The following LARGE1 variants were observed in gnomAD, a reference collection of about 807,000 sequenced individuals.
The protein encoded by LARGE1 is LARGE xylosyl- and glucuronyltransferase 1, also known as xylosyl- and glucuronyltransferase LARGE1.
LARGE1 carries 43 observed loss-of-function variants against 87.6 expected under a neutral mutation model. The ratio of observed to expected loss-of-function variants is 0.49; its 90% CI spans 0.38 to 0.63. LARGE1 has a LOEUF of 0.63. Among genes scored for constraint, LARGE1 ranks in the 30% least tolerant of loss-of-function variants. LARGE1 has a pLI of 0.00. For synonymous variants in LARGE1, 434 were observed against 394.6 expected (o/e 1.10, Z -1.18); for missense variants, 802 against 1,000.2 (o/e 0.80, Z 2.67).
the LARGE1 span, among the ~76,000 whole-genome samples, chr22:33,104,450 T>C: frequency 6.6e-6 from 1 of 152,198 alleles, no homozygotes; most frequent in South Asian, 2.1e-4. Flanking sequence ...GGAGGGGACC[T>C]TGTGGCCCAG....
intron 2 of LARGE1, among the ~76,000 whole-genome samples, chr22:33,651,597 T>C (rs1196122942): frequency 6.6e-6 from 1 of 152,128 alleles, no homozygotes; most frequent in South Asian, 2.1e-4. Context: ...GTATCTGCCA[T>C]ACTGTATTTG....
chr22:33,140,290 C>G, the LARGE1 span, among the ~76,000 whole-genome samples: 1 of 152,020 alleles, frequency 6.6e-6, no homozygotes, highest in African/African-American at 2.4e-5. Flanking sequence ...GCTCTACCCA[C>G]CCAGAGCAGT....
At chr22:33,593,400 AT>A (rs35456940) in intron 5 of LARGE1, among the ~76,000 whole-genome samples, 12,941 of 152,152 alleles carry the variant, frequency 0.085, 682 homozygotes, top group African/African-American at 0.14. Flanking sequence ...CTGTTGCCTT[AT>A]TAACATGAGA....
At chr22:33,699,777 A>T (rs1380890305) in intron 2 of LARGE1, among the ~76,000 whole-genome samples, 1 of 152,228 alleles carries the variant, frequency 6.6e-6, no homozygotes, top group Non-Finnish European at 1.5e-5. Context: ...GATTTAATTA[A>T]AAGATTTCTT....
intron 10 of LARGE1, among the ~76,000 whole-genome samples, chr22:33,319,317 G>A (rs557777444): frequency 2.2e-4 from 33 of 152,322 alleles, no homozygotes; most frequent in Non-Finnish European, 4.4e-4. Flanking sequence ...CTTGCTGGAA[G>A]ATGAGACATC....
intron 11 of LARGE1, among the ~76,000 whole-genome samples, chr22:33,167,505 C>T (rs569801200): frequency 1.3e-5 from 2 of 152,274 alleles, no homozygotes; most frequent in South Asian, 4.1e-4. Flanking sequence ...CCATAAGACC[C>T]TATTAGTTGC....
intron 1 of LARGE1, among the ~76,000 whole-genome samples, chr22:33,911,054 G>A (rs2065621930): frequency 6.6e-6 from 1 of 152,230 alleles, no homozygotes; most frequent in African/African-American, 2.4e-5. Flanking sequence ...CCCCCTCCCA[G>A]GGTTGCTGTG....
rs1341369553 is a variant in LARGE1 at position 33,274,271 on chromosome 22, A to G, written c.*156T>C. 1 of 751,336 alleles carries G rather than the reference A, an allele frequency of 1.3e-6. No homozygotes were observed. Among genetic ancestry groups the G allele is most frequent in the Admixed American group, 2.0e-5 (1 of 49,050 alleles). 46.5% of individuals were successfully genotyped at this position (751,336 alleles called of 1,614,324 possible). ...GAGGGACTGGCTGGATCCTTGTCCA[A>G]GGTCTCTGTAGTGAGGGCAGCTTGG... On this transcript the variant is annotated 3_prime_UTR_variant, in exon 15 of 15. Coordinates refer to ENST00000397394, the MANE Select transcript of LARGE1 (RefSeq NM_133642.5).
At chr22:33,157,739 G>A (rs1229634771), downstream of LARGE1, among the ~76,000 whole-genome samples, 13 of 152,136 alleles carry the variant, frequency 8.5e-5, no homozygotes, top group Admixed American at 3.3e-4. Flanking sequence ...AGTACTCATC[G>A]TAGTTTTAAT....
intron 14 of LARGE1, among the ~76,000 whole-genome samples, chr22:33,276,796 G>A (rs909240352): frequency 6.6e-6 from 1 of 152,144 alleles, no homozygotes; most frequent in African/African-American, 2.4e-5. Flanking sequence ...CATCAGGTTG[G>A]GTGAGGATGA....
At chr22:33,833,455 CAT>C (rs1210264198) in intron 1 of LARGE1, among the ~76,000 whole-genome samples, 1 of 152,118 alleles carries the variant, frequency 6.6e-6, no homozygotes, top group Middle Eastern at 3.2e-3. Context: ...GAGGGGAAAC[CAT>C]ATGAAGGCAC....
At chr22:33,075,538 T>G in the LARGE1 span, among the ~76,000 whole-genome samples, 2 of 152,174 alleles carry the variant, frequency 1.3e-5, no homozygotes, top group African/African-American at 4.8e-5. Flanking sequence ...CCTCATTGTA[T>G]AGATAAGGGG....
At chr22:33,565,470 T>C (rs1375596621) in intron 5 of LARGE1, among the ~76,000 whole-genome samples, 1 of 152,262 alleles carries the variant, frequency 6.6e-6, no homozygotes, top group Non-Finnish European at 1.5e-5. Flanking sequence ...TAAAGATTAG[T>C]GGGCAGTAGT....
chr22:33,368,082 T>C (rs988807649), intron 9 of LARGE1, among the ~76,000 whole-genome samples: 1 of 152,214 alleles, frequency 6.6e-6, no homozygotes, highest in Non-Finnish European at 1.5e-5. Context: ...TTGGTTTCTT[T>C]TTAATAAATG....
intron 1 of LARGE1, among the ~76,000 whole-genome samples, chr22:33,829,559 T>G (rs1390411157): frequency 6.6e-6 from 1 of 152,184 alleles, no homozygotes; most frequent in Non-Finnish European, 1.5e-5. Context: ...ATTTATTAAG[T>G]GAATGAATCC....
In LARGE1 at chr22:33,494,106, A is replaced by G. The variant is rs138363080; in HGVS notation, c.788-61841T>C. 3.6e-3 allele frequency among the ~76,000 whole-genome samples: 545 copies of G among 152,368 alleles called. 5 individuals carry two copies. Among genetic ancestry groups the G allele is most frequent in the South Asian group, 0.023 (113 of 4,820 alleles). Reference sequence around the variant, plus strand: ...TCTTCAGCACAGATGCCAAGTTTGAACACTAATTTATAGACAGCATTGATG... The same window carrying G: ...TCTTCAGCACAGATGCCAAGTTTGAGCACTAATTTATAGACAGCATTGATG... On this transcript the variant is annotated intron_variant, in intron 6 of 14. Transcript: ENST00000397394.
At chr22:33,246,171 T>A (rs951230832) in intron 11 of LARGE1, among the ~76,000 whole-genome samples, 60 of 152,086 alleles carry the variant, frequency 3.9e-4, no homozygotes, top group African/African-American at 1.4e-3. Flanking sequence ...CTTTTTAGGG[T>A]GATATGAGAA....
chr22:33,662,220 A>G (rs114292059), intron 2 of LARGE1, among the ~76,000 whole-genome samples: 2,845 of 152,206 alleles, frequency 0.019, 72 homozygotes, highest in African/African-American at 0.057. Flanking sequence ...GTCAGGTAGA[A>G]TGGTCAGTTT....
chr22:33,201,053 A>G (rs1395920496), intron 11 of LARGE1, among the ~76,000 whole-genome samples: 1 of 152,214 alleles, frequency 6.6e-6, no homozygotes, highest in African/African-American at 2.4e-5. Context: ...TCATGCCTAT[A>G]ATTCCAGCAC....
Sources: gnomAD v4.1 joint callset for allele counts (sites outside exome capture counted in the v4.1 genomes callset) on GRCh38, gnomAD v4.1.1 for gene constraint, MANE v1.5 for transcripts, NCBI Gene and HGNC (gene_info 2026-07-23, HGNC 2026-07-21) for gene names.